Variants in LYST observed in about 807,000 individuals in gnomAD.
LYST encodes lysosomal trafficking regulator.
Under a neutral mutation model 413.6 loss-of-function variants are expected in LYST, and 192 were observed. The ratio of observed to expected loss-of-function variants is 0.46; its 90% CI spans 0.41 to 0.52. The LOEUF (loss-of-function observed/expected upper bound fraction) is 0.52, where lower values mean the gene tolerates loss of function less well. LYST is among the 20% of genes least tolerant of loss of function. The pLI, the probability that LYST is intolerant of heterozygous loss-of-function variation, is 0.00. For missense variants in LYST, 3,815 were observed against 4,499.9 expected, an observed-to-expected ratio of 0.85 and a Z score of 4.35; for synonymous variants, 1,525 against 1,567.3, an observed-to-expected ratio of 0.97 and a Z score of 0.64.
intron 31 of LYST, chr1:235,737,869 A>G: frequency 9.2e-7 from 1 of 1,081,960 alleles, no homozygotes; most frequent in Non-Finnish European, 1.1e-6. Context: ...CTTTTCCTTG[A>G]CTGACTGTAT....
At chr1:235,843,644 T>C (rs907225130) in intron 1 of LYST, among the ~76,000 whole-genome samples, 4 of 152,062 alleles carry the variant, frequency 2.6e-5, no homozygotes, top group African/African-American at 4.8e-5. Context: ...AGGAAAATGA[T>C]GTTCTGTTTC....
chr1:235,666,231 C>T (rs1194905226), intron 50 of LYST, among the ~76,000 whole-genome samples: 3 of 29,450 alleles, frequency 1.0e-4, no homozygotes, highest in East Asian at 6.8e-4. Flanking sequence ...TACATACACA[C>T]ACACACACAC....
At position 235,720,811 on chromosome 1, in the gene LYST, G is replaced by C. The variant is rs141320974; in HGVS notation, c.9410C>G (p.Thr3137Ser). The C allele has an allele frequency of 1.1e-5, 18 of 1,613,942 alleles. No individual in the cohort carries two copies. Among genetic ancestry groups the C allele is most frequent in the Non-Finnish European group, 1.5e-5 (18 of 1,179,970 alleles). The change falls in exon 40 of 53, where the codon ACT becomes AGT. Residue 3137 changes from threonine (T) to serine (S), a missense_variant. By Grantham distance (58) the Thr-to-Ser change is moderately conservative. Transcript: ENST00000389793. ...NITALTNLWY[T>S]GQITNFEYLT... is the part of the protein sequence containing the mutation. ...ATATTCAAAATTAGTAATTTGCCCA[G>C]TATACCATAAATTTGTCAGAGCGGT...
At chr1:235,860,698 A>C (rs778566196) in intron 1 of LYST, among the ~76,000 whole-genome samples, 1 of 152,200 alleles carries the variant, frequency 6.6e-6, no homozygotes, top group Non-Finnish European at 1.5e-5. Context: ...GGTATAACTG[A>C]CATGTAACAA....
At chr1:235,874,096 G>A (rs1451647607) in intron 1 of LYST, among the ~76,000 whole-genome samples, 1 of 152,174 alleles carries the variant, frequency 6.6e-6, no homozygotes, top group Non-Finnish European at 1.5e-5. Context: ...ATATATGTGT[G>A]TTTCGCTGCC....
At chr1:235,688,984 AAATAATAATAATAAT>A (rs35849101) in intron 47 of LYST, among the ~76,000 whole-genome samples, 30 of 135,930 alleles carry the variant, frequency 2.2e-4, no homozygotes, top group African/African-American at 5.0e-4. Context: ...ACTCCGTCTC[AAATAATAATAATAAT>A]AATAATAATA....
Position 235,677,515 on chromosome 1 carries a change from G to C in LYST, c.10905C>G (p.Ser3635Arg). 1 of 1,613,598 alleles carries C rather than the reference G, an allele frequency of 6.2e-7. No homozygotes were observed. The highest frequency in any genetic ancestry group is 8.5e-7 in the Non-Finnish European group (1 of 1,179,668). ...CCCATATGATGCAGGTTCCGTCTCTGCTCACACTTATCAGTATACTGTATG... is the reference window on the plus strand; with the variant it reads ...CCCATATGATGCAGGTTCCGTCTCTCCTCACACTTATCAGTATACTGTATG... The part of the protein sequence containing the change: ...CKPYSILISV[S>R]RDGTCIIWDL... The change falls in exon 49 of 53, where the codon AGC becomes AGG. Residue 3635 changes from serine to arginine, a missense_variant. Around this residue, in one of 4 missense-constraint regions of LYST, gnomAD observed 866 missense variants for 1,156.0 expected, o/e 0.75. Coordinates refer to ENST00000389793, the MANE Select transcript of LYST (RefSeq NM_000081.4).
At chr1:235,709,505 G>A (rs1208715549) in intron 43 of LYST, among the ~76,000 whole-genome samples, 197 bp from the exon 44 acceptor site, 3 of 140,476 alleles carry the variant, frequency 2.1e-5, no homozygotes, top group African/African-American at 9.9e-5. Flanking sequence ...GGCTATGTGA[G>A]CTAATGCTAT....
At chr1:235,713,848 G>C (rs1201498926) in intron 42 of LYST, among the ~76,000 whole-genome samples, 1 of 152,060 alleles carries the variant, frequency 6.6e-6, no homozygotes, top group African/African-American at 2.4e-5. Context: ...GGTAGTCCTA[G>C]GTTTTAAACA....
chr1:235,806,299 A>G lies in LYST; in HGVS notation c.2837T>C (p.Leu946Pro). Reference protein sequence around the residue: ...PLSHMLPCISLESLVLPSPEH... With the variant: ...PLSHMLPCISPESLVLPSPEH... ...AGGAGAAGGCAAGACAAGGCTCTCG[A>G]GAGATATACATGGCAGCATATGACT... Residue 946 changes from leucine to proline, a missense_variant, in exon 6 of 53, where the codon CTC becomes CCC. By Grantham distance (98) the Leu-to-Pro change is moderately conservative. This residue lies in a region of LYST where 1,648 missense variants were observed against 1,810.3 expected (regional missense o/e 0.91). Coordinates refer to ENST00000389793, the MANE Select transcript of LYST (RefSeq NM_000081.4). The G allele has an allele frequency of 6.2e-7, 1 of 1,613,962 alleles. No individual in the cohort carries two copies. Among genetic ancestry groups the G allele is most frequent in the Non-Finnish European group, 8.5e-7 (1 of 1,179,958 alleles).
At chr1:235,836,766 TGAA>T (rs1249407833) in intron 1 of LYST, among the ~76,000 whole-genome samples, 1 of 152,146 alleles carries the variant, frequency 6.6e-6, no homozygotes, top group Non-Finnish European at 1.5e-5. Flanking sequence ...TTAGCCTGTG[TGAA>T]GAATAGTACT....
chr1:235,684,740 T>A (rs1487208598), intron 48 of LYST, among the ~76,000 whole-genome samples: 1 of 152,076 alleles, frequency 6.6e-6, no homozygotes, highest in Non-Finnish European at 1.5e-5. Context: ...CACCTCAGTC[T>A]CCCTTGTAGC....
Position 235,761,961 on chromosome 1 carries a change from C to T in LYST, c.6253+759G>A, listed in dbSNP as rs1326993135. The stretch of plus-strand genomic sequence containing the variant: ...ACACAGGAAGGGGAACATCACACAC[C>T]AGGGCCTGTTGTCGGGTGGGGGGAG... On this transcript the variant is annotated intron_variant, in intron 22 of 52. Transcript: ENST00000389793. Among the ~76,000 whole-genome samples, 10 of 112,600 alleles carry T rather than the reference C, an allele frequency of 8.9e-5. No homozygotes were observed. In the Admixed American group the frequency reaches 1.0e-3, roughly 12 times the overall value. The allele number at this position is 112,600 out of a possible 152,430, so 73.9% of individuals were successfully genotyped here. A position where few individuals can be genotyped will look rare whatever the true frequency, so the allele number is the denominator to read the frequency against.
At chr1:235,831,028 A>G (rs370293573) in intron 2 of LYST, among the ~76,000 whole-genome samples, 31 of 152,340 alleles carry the variant, frequency 2.0e-4, no homozygotes, top group South Asian at 8.3e-4. Flanking sequence ...AGAATAGGGG[A>G]ACATAAATAC....
At position 235,770,055 on chromosome 1, in the gene LYST, A is replaced by AT. The variant is rs1668516069; in HGVS notation, c.5922+104_5922+105insA. On this transcript the variant is annotated intron_variant, in intron 20 of 52. Coordinates refer to ENST00000389793, the MANE Select transcript of LYST (RefSeq NM_000081.4). ...GAATCTGGAGAGAAGATGGAAAAAA[A>AT]AAAGAAAAAAAGTCCCATTGAAAGT... 6 of 1,071,844 alleles carry AT rather than the reference A, an allele frequency of 5.6e-6. No homozygotes were observed. In the African/African-American group the frequency reaches 8.0e-5, roughly 14 times the overall value. 66.4% of individuals were successfully genotyped at this position (1,071,844 alleles called of 1,614,324 possible). A position where few individuals can be genotyped will look rare whatever the true frequency, so the allele number is the denominator to read the frequency against.
intron 50 of LYST, among the ~76,000 whole-genome samples, chr1:235,666,263 C>A: frequency 8.5e-6 from 1 of 117,288 alleles, no homozygotes; most frequent in East Asian, 2.2e-4. Flanking sequence ...CACACACACA[C>A]ACACACAATT....
intron 50 of LYST, among the ~76,000 whole-genome samples, chr1:235,672,437 G>A (rs1174878358): frequency 5.3e-5 from 8 of 152,142 alleles, no homozygotes. Flanking sequence ...AAAATCAGGA[G>A]ACTAGTATTC....
At position 235,759,097 on chromosome 1, in the gene LYST, T is replaced by C. The variant is rs757075419; in HGVS notation, c.6756A>G (p.Ser2252=). The change falls in exon 23 of 53, where the codon TCA becomes TCG. Residue 2252 remains serine, a synonymous_variant. Coordinates refer to ENST00000389793, the MANE Select transcript of LYST (RefSeq NM_000081.4). ...TIASLGLAFP[S]QNGSAAVGRW... is the part of the protein sequence containing the mutation. ...GGCCAACAGCTGCAGATCCGTTCTG[T>C]GAAGGAAAAGCTAGCCCAAGGCTTG... 2.5e-6 allele frequency: 4 copies of C among 1,614,136 alleles called. No individual in the cohort carries two copies. In the Admixed American group the frequency reaches 5.0e-5, roughly 20 times the overall value.
In LYST at chr1:235,791,793, A is replaced by G; in HGVS notation, c.4449T>C (p.Cys1483=). The change falls in exon 12 of 53, where the codon TGT becomes TGC. Residue 1483 remains cysteine (C), a synonymous_variant. Coordinates refer to ENST00000389793, the MANE Select transcript of LYST (RefSeq NM_000081.4). ...FSVSLWFNVE[C]IHEAESTTEK... ...CTGTAGTACTCTCAGCTTCATGGAT[A>G]CACTCCACATTAAACCACAGGGAAA... The G allele has an allele frequency of 6.2e-7, 1 of 1,613,872 alleles. No individual in the cohort carries two copies. Among genetic ancestry groups the G allele is most frequent in the Non-Finnish European group, 8.5e-7 (1 of 1,179,770 alleles).
Sources: gnomAD v4.1 joint callset for allele counts (sites outside exome capture counted in the v4.1 genomes callset) on GRCh38, gnomAD v4.1.1 for gene constraint, gnomAD v4.1.1 regional missense constraint, MANE v1.5 for transcripts, NCBI Gene and HGNC (gene_info 2026-07-23, HGNC 2026-07-21) for gene names.